Variants in RALYL observed in about 807,000 individuals in gnomAD.
RALYL encodes RNA-binding Raly-like protein.
Under a neutral mutation model 35.1 loss-of-function variants are expected in RALYL, and 29 were observed. That is an observed-to-expected ratio of 0.83 (90% confidence interval 0.61 to 1.13). The LOEUF is 1.13. RALYL is among the 50% of genes most tolerant of loss of function. The pLI is 0.00. For synonymous variants in RALYL, 120 were observed against 127.6 expected, an observed-to-expected ratio of 0.94 and a Z score of 0.40; for missense variants, 359 against 360.4, an observed-to-expected ratio of 1.00 and a Z score of 0.03.
At chr8:84,540,313 TTGTGTGTGTG>T (rs138650642) in intron 2 of RALYL, among the ~76,000 whole-genome samples, 1 of 144,894 alleles carries the variant, frequency 6.9e-6, no homozygotes, top group African/African-American at 2.5e-5. Flanking sequence ...ATCATAGGAT[TTGTGTGTGTG>T]TGTGTGTGTG....
intron 1 of RALYL, among the ~76,000 whole-genome samples, chr8:84,236,411 A>G (rs1826566835): frequency 6.6e-6 from 1 of 152,188 alleles, no homozygotes; most frequent in Non-Finnish European, 1.5e-5. Context: ...CCTTGGCTAA[A>G]TGACCCTTCC....
chr8:84,418,610 T>C (rs1200051141), intron 1 of RALYL, among the ~76,000 whole-genome samples: 1 of 152,062 alleles, frequency 6.6e-6, no homozygotes, highest in African/African-American at 2.4e-5. Flanking sequence ...TCTTCGTCCT[T>C]ACATGAAATA....
chr8:84,305,115 A>C (rs964524606), intron 1 of RALYL, among the ~76,000 whole-genome samples: 7 of 152,186 alleles, frequency 4.6e-5, no homozygotes, highest in Non-Finnish European at 1.0e-4. Flanking sequence ...CTTAATACCT[A>C]AAAGATGTAT....
At chr8:84,333,911 G>A (rs1035133793) in intron 1 of RALYL, among the ~76,000 whole-genome samples, 4 of 152,040 alleles carry the variant, frequency 2.6e-5, no homozygotes, top group Admixed American at 6.6e-5. Flanking sequence ...CTTGGGACAC[G>A]GTCTCACTGT....
chr8:84,822,955 T>G (rs979263832), intron 4 of RALYL, among the ~76,000 whole-genome samples: 5 of 152,148 alleles, frequency 3.3e-5, no homozygotes, highest in Non-Finnish European at 5.9e-5. Flanking sequence ...TACGTTATAT[T>G]GGTAGATGCA....
chr8:84,455,046 A>C (rs1378833654), intron 1 of RALYL, among the ~76,000 whole-genome samples: 1 of 152,034 alleles, frequency 6.6e-6, no homozygotes, highest in Non-Finnish European at 1.5e-5. Flanking sequence ...ATAATATAAA[A>C]TTCTTTGCCA....
At chr8:84,274,643 T>C (rs1487945700) in intron 1 of RALYL, among the ~76,000 whole-genome samples, 1 of 152,180 alleles carries the variant, frequency 6.6e-6, no homozygotes, top group African/African-American at 2.4e-5. Context: ...AGACTGCTCC[T>C]TTGGTGTTGG....
intron 1 of RALYL, among the ~76,000 whole-genome samples, chr8:84,400,069 T>C (rs1241056448): frequency 6.6e-6 from 1 of 151,924 alleles, no homozygotes; most frequent in Non-Finnish European, 1.5e-5. Context: ...TGAGTCAAGA[T>C]CGTGCCACTG....
intron 3 of RALYL, among the ~76,000 whole-genome samples, chr8:84,783,032 C>T (rs16913300): frequency 0.038 from 3,021 of 78,704 alleles, 114 homozygotes; most frequent in African/African-American, 0.21. Context: ...GAAGTGTTAT[C>T]TCATTCCCTT....
At position 84,455,230 on chromosome 8, in the gene RALYL, A is replaced by G. The variant is rs569204299; in HGVS notation, c.-23-74069A>G. On this transcript the variant is annotated intron_variant, in intron 1 of 8. Coordinates refer to ENST00000521268, the MANE Select transcript of RALYL (RefSeq NM_173848.7). ...AACAGACTATGCTTTCTTCATGTTA[A>G]CCCTTTTTTAAAAAAATTGAAACTG... Among the ~76,000 whole-genome samples the G allele has an allele frequency of 9.2e-5, 14 of 152,062 alleles. No individual in the cohort carries two copies. The South Asian group carries it at 2.7e-3, about 29-fold the overall frequency.
At chr8:84,854,301 G>A (rs772924768) in intron 5 of RALYL, among the ~76,000 whole-genome samples, 19 of 151,652 alleles carry the variant, frequency 1.3e-4, no homozygotes, top group Admixed American at 5.3e-4. Flanking sequence ...AGCCGAGATC[G>A]TGCCACTGCA....
chr8:84,221,048 C>T (rs1822083234), intron 1 of RALYL, among the ~76,000 whole-genome samples: 1 of 151,894 alleles, frequency 6.6e-6, no homozygotes, highest in Non-Finnish European at 1.5e-5. Flanking sequence ...TGTATTTCCT[C>T]CTAATGATAT....
chr8:84,600,869 C>G (rs1170453937), intron 2 of RALYL, among the ~76,000 whole-genome samples: 1 of 152,084 alleles, frequency 6.6e-6, no homozygotes, highest in African/African-American at 2.4e-5. Context: ...GGAAAGGTGT[C>G]AGGTTTCATG....
intron 2 of RALYL, among the ~76,000 whole-genome samples, chr8:84,704,476 CACACACA>C (rs1398021693): frequency 7.5e-6 from 1 of 133,336 alleles, no homozygotes; most frequent in East Asian, 2.0e-4. Flanking sequence ...CACACACACA[CACACACA>C]ACAACTCATT....
chr8:84,787,484 A>G (rs1307714109), intron 3 of RALYL, among the ~76,000 whole-genome samples: 1 of 152,126 alleles, frequency 6.6e-6, no homozygotes, highest in Non-Finnish European at 1.5e-5. Context: ...GTAAACATAC[A>G]TGCGCATGTG....
At chr8:84,213,220 A>G (rs941716051) in intron 1 of RALYL, among the ~76,000 whole-genome samples, 19 of 152,026 alleles carry the variant, frequency 1.2e-4, no homozygotes, top group African/African-American at 4.3e-4. Context: ...GTGAAACCCC[A>G]TCTGTACTAA....
intron 2 of RALYL, among the ~76,000 whole-genome samples, chr8:84,677,345 A>G (rs1403958894): frequency 2.0e-5 from 3 of 152,226 alleles, no homozygotes; most frequent in Non-Finnish European, 4.4e-5. Flanking sequence ...ATTTTCATAT[A>G]GCAGTAAGTA....
chr8:84,657,124 G>C (rs1042908311), intron 2 of RALYL, among the ~76,000 whole-genome samples: 1 of 152,174 alleles, frequency 6.6e-6, no homozygotes, highest in Admixed American at 6.6e-5. Context: ...GGCTTCCACA[G>C]ATCTAGTGAA....
intron 1 of RALYL, among the ~76,000 whole-genome samples, chr8:84,409,094 G>A (rs908282553): frequency 3.3e-5 from 5 of 151,982 alleles, no homozygotes; most frequent in African/African-American, 1.2e-4. Flanking sequence ...GTGGGTAAAT[G>A]ACTAAGATTA....
Sources: gnomAD v4.1 joint callset for allele counts (sites outside exome capture counted in the v4.1 genomes callset) on GRCh38, gnomAD v4.1.1 for gene constraint, MANE v1.5 for transcripts, NCBI Gene and HGNC (gene_info 2026-07-23, HGNC 2026-07-21) for gene names.